Variants in CACNA1S observed in about 807,000 individuals in gnomAD.
CACNA1S encodes voltage-dependent L-type calcium channel subunit alpha-1S.
A neutral mutation model predicts 207.4 loss-of-function variants in CACNA1S; 126 were observed. That is an observed-to-expected ratio of 0.61 (90% confidence interval 0.53 to 0.70). CACNA1S has a LOEUF of 0.70. Among genes scored for constraint, CACNA1S ranks in the 30% least tolerant of loss-of-function variants. CACNA1S has a pLI of 0.00. For missense variants in CACNA1S, 2,349 were observed against 2,422.8 expected (o/e 0.97, Z 0.64); for synonymous variants, 960 against 932.7 (o/e 1.03, Z -0.53).
chr1:201,055,987 A>T (rs913877527), intron 28 of CACNA1S, among the ~76,000 whole-genome samples: 2 of 151,958 alleles, frequency 1.3e-5, no homozygotes, highest in African/African-American at 4.8e-5. Context: ...CAAACCATGG[A>T]GGCTTTTGGG....
In CACNA1S at chr1:201,053,119, CGT is replaced by C; in HGVS notation, c.3861+88_3861+89del. 7.1e-7 allele frequency: 1 copy of C among 1,416,994 alleles called. No homozygotes were observed. The allele number at this position is 1,416,994 out of a possible 1,614,324, so 87.8% of individuals were successfully genotyped here. A position where few individuals can be genotyped will look rare whatever the true frequency, so the allele number is the denominator to read the frequency against. ...GGCAGGGAGGGCGGAGGGTCCAGCC[CGT>C]GTGCTGCTCAGGCTCCTCAGGGTCC... On this transcript the variant is annotated intron_variant, in intron 31 of 43. Transcript: ENST00000362061. This position sits in a 1 kb window ranked among gnomAD's most constrained non-coding sequence, Gnocchi z 5.1.
At chr1:201,075,659 T>C in intron 12 of CACNA1S, 44 bp from the exon 13 acceptor site, 5 of 1,607,830 alleles carry the variant, frequency 3.1e-6, no homozygotes, top group Non-Finnish European at 4.3e-6. Flanking sequence ...CAGAGGGGCC[T>C]GAGAGTCTTC....
In CACNA1S at chr1:201,087,894, G is replaced by C. The variant is rs747270806; in HGVS notation, c.936C>G (p.Ile312Met). 6.2e-7 allele frequency: 1 copy of C among 1,613,728 alleles called. No homozygotes were observed. The highest frequency in any genetic ancestry group is 2.2e-5 in the East Asian group (1 of 44,872). Residue 312 changes from isoleucine (I) to methionine (M), a missense_variant, in exon 7 of 44, where the codon ATC (isoleucine) becomes ATG (methionine). Transcript: ENST00000362061. ...NDAIGNEWPWIYFVTLILLGS... is the reference protein window; with the variant it reads ...NDAIGNEWPWMYFVTLILLGS... Reference sequence around the variant, plus strand: ...CCAGCAAAATGAGGGTGACAAAATAGATCCAGGGCCACTCATTCCCGATGG... The same window carrying C: ...CCAGCAAAATGAGGGTGACAAAATACATCCAGGGCCACTCATTCCCGATGG...
chr1:201,060,762 T>G lies in CACNA1S; in HGVS notation c.3310A>C (p.Lys1104Gln), dbSNP rs1188089476. The stretch of plus-strand genomic sequence containing the variant: ...CACACCTGGTACTGGTATGGGTTTT[T>G]GGGAATGTAGCACCTCAGTGGGCGG... ...KARPLRCYIPKNPYQYQVWYI... is the reference protein window; with the variant it reads ...KARPLRCYIPQNPYQYQVWYI... Residue 1104 changes from lysine (K) to glutamine (Q), a missense_variant, in exon 26 of 44, where the codon AAA becomes CAA. Lys to Gln is a moderately conservative substitution (Grantham distance 53, BLOSUM62 1). Transcript: ENST00000362061. 1 of 1,613,998 alleles carries G rather than the reference T, an allele frequency of 6.2e-7. No homozygotes were observed. Among genetic ancestry groups the G allele is most frequent in the Non-Finnish European group, 8.5e-7 (1 of 1,180,030 alleles).
intron 5 of CACNA1S, 81 bp downstream of exon 5, chr1:201,091,559 C>A (rs1572061991): frequency 6.6e-7 from 1 of 1,511,462 alleles, no homozygotes; most frequent in East Asian, 2.3e-5. Flanking sequence ...GAGCTCCGGG[C>A]TCCTTCACCA....
At position 201,052,625 on chromosome 1, in the gene CACNA1S, C is replaced by A; in HGVS notation, c.3885G>T (p.Val1295=). The change falls in exon 32 of 44, where the codon GTG becomes GTT. Residue 1295 remains valine (V), a synonymous_variant. Transcript: ENST00000362061. The part of the protein sequence containing the change: ...GMQMFGKIAL[V]DGTQINRNNN... Reference sequence around the variant, plus strand: ...TGTTCCGGTTTATTTGGGTCCCATCCACCAAGGCGATCTTCCCAAACATCT... The same window carrying A: ...TGTTCCGGTTTATTTGGGTCCCATCAACCAAGGCGATCTTCCCAAACATCT... 1 of 1,613,930 alleles carries A rather than the reference C, an allele frequency of 6.2e-7. No homozygotes were observed. Among genetic ancestry groups the A allele is most frequent in the Non-Finnish European group, 8.5e-7 (1 of 1,179,940 alleles).
intron 16 of CACNA1S, among the ~76,000 whole-genome samples, chr1:201,072,180 A>C (rs949984172): frequency 1.3e-5 from 2 of 152,020 alleles, no homozygotes; most frequent in African/African-American, 4.8e-5. Context: ...GATAAATGGG[A>C]TTTCTGCAGC....
chr1:201,043,648 A>C, intron 39 of CACNA1S, 117 bp from the exon 40 acceptor site: 1 of 907,226 alleles, frequency 1.1e-6, no homozygotes, highest in Non-Finnish European at 1.7e-6. Context: ...AAATCTTATA[A>C]GGCCAAAGGA....
At chr1:201,058,165 C>T (rs950103827) in intron 28 of CACNA1S, among the ~76,000 whole-genome samples, 3 of 152,194 alleles carry the variant, frequency 2.0e-5, no homozygotes, top group Admixed American at 6.5e-5. Context: ...CTTTCCTTTC[C>T]GTTACAGCTC....
intron 13 of CACNA1S, 86 bp from the exon 14 acceptor site, chr1:201,074,706 G>T: frequency 2.5e-6 from 2 of 794,538 alleles, no homozygotes; most frequent in Non-Finnish European, 4.1e-6. Flanking sequence ...ATGTGGGCAG[G>T]ACCTAACCCC....
intron 2 of CACNA1S, among the ~76,000 whole-genome samples, chr1:201,096,442 G>A (rs1188285693): frequency 1.3e-5 from 2 of 152,206 alleles, no homozygotes; most frequent in Non-Finnish European, 2.9e-5. Flanking sequence ...GGAAAAATGA[G>A]GGATAGTCAT....
intron 28 of CACNA1S, among the ~76,000 whole-genome samples, chr1:201,058,028 C>T (rs1315760723): frequency 6.6e-6 from 1 of 152,188 alleles, no homozygotes; most frequent in Non-Finnish European, 1.5e-5. Flanking sequence ...CTGCGCTGTG[C>T]CTCTCCTACA....
chr1:201,062,647 C>G, intron 22 of CACNA1S, 133 bp from the exon 23 acceptor site: 1 of 784,890 alleles, frequency 1.3e-6, no homozygotes, highest in Middle Eastern at 2.7e-4. Flanking sequence ...CCAAGCCCAT[C>G]TCTTCCTCTC....
Position 201,089,366 on chromosome 1 carries a change from G to A in CACNA1S, c.792C>T (p.Gly264=). 6.2e-7 allele frequency: 1 copy of A among 1,614,246 alleles called. No homozygotes were observed. Among genetic ancestry groups the A allele is most frequent in the Non-Finnish European group, 8.5e-7 (1 of 1,180,038 alleles). The change falls in exon 6 of 44, where the codon GGC becomes GGT. Residue 264 remains glycine (G), a synonymous_variant. Transcript: ENST00000362061. ...TGATGCCATGGTTGGGCCCTGGCCAGCCGCCCCGGCACTCACTGCCATTGA... is the reference window on the plus strand; with the variant it reads ...TGATGCCATGGTTGGGCCCTGGCCAACCGCCCCGGCACTCACTGCCATTGA... ...CTINGSECRG[G]WPGPNHGITH...
chr1:201,069,385 C>A (rs1157732464), intron 18 of CACNA1S, 87 bp downstream of exon 18: 7 of 1,567,058 alleles, frequency 4.5e-6, no homozygotes, highest in Non-Finnish European at 6.1e-6. Context: ...CTTGTAGCCA[C>A]ATAGAGGATA....
chr1:201,069,837 C>T (rs976056937), intron 17 of CACNA1S, among the ~76,000 whole-genome samples: 1 of 152,168 alleles, frequency 6.6e-6, no homozygotes, highest in African/African-American at 2.4e-5. Context: ...CCACCACCTG[C>T]CCCTTCCTGC....
chr1:201,095,568 T>G (rs1192537246), intron 2 of CACNA1S, among the ~76,000 whole-genome samples: 1 of 152,174 alleles, frequency 6.6e-6, no homozygotes, highest in Non-Finnish European at 1.5e-5. Flanking sequence ...AAAGCATGAT[T>G]TTCCCCTTCC....
rs371755759 is a variant in CACNA1S, at chr1:201,053,186, G to A, written c.3861+23C>T. 25 of 1,613,882 alleles carry A rather than the reference G, an allele frequency of 1.5e-5. No homozygotes were observed. In the African/African-American group the frequency reaches 2.1e-4, roughly 14 times the overall value. On this transcript the variant is annotated intron_variant, in intron 31 of 43. Coordinates refer to ENST00000362061, the MANE Select transcript of CACNA1S (RefSeq NM_000069.3). The surrounding 1 kb of genome is among the most constrained non-coding windows in gnomAD (Gnocchi z 5.1). ...TAACTTGGCCAAGATCCATGCTTTG[G>A]CCTGGGCCCGCCTGCCTCTCACCTG...
At chr1:201,105,665 T>C (rs1358429918) in intron 2 of CACNA1S, among the ~76,000 whole-genome samples, 1 of 152,158 alleles carries the variant, frequency 6.6e-6, no homozygotes, top group Non-Finnish European at 1.5e-5. Context: ...CTCCTTGCTC[T>C]CTCTGGGCCT....
Sources: allele counts gnomAD v4.1 joint callset (sites outside exome capture counted in the v4.1 genomes callset), GRCh38; gene constraint gnomAD v4.1.1; non-coding constraint Gnocchi (gnomAD v3.1); transcripts MANE v1.5; gene names NCBI Gene and HGNC (gene_info 2026-07-23, HGNC 2026-07-21).